The following MCCC2 variants were observed in gnomAD, a reference collection of about 807,000 sequenced individuals.
MCCC2 encodes methylcrotonyl-CoA carboxylase subunit 2, also known as methylcrotonoyl-CoA carboxylase beta chain, mitochondrial.
In MCCC2, 52 loss-of-function variants were observed where a neutral mutation model predicts 77.2. The observed-to-expected ratio is 0.67, with a 90% confidence interval of 0.54 to 0.85. The LOEUF (loss-of-function observed/expected upper bound fraction) is 0.85. MCCC2 is among the 40% of genes least tolerant of loss of function. MCCC2 has a pLI of 0.00. For synonymous variants in MCCC2, 253 were observed against 248.4 expected (o/e 1.02, Z -0.18); for missense variants, 682 against 703.2 (o/e 0.97, Z 0.34).
intron 8 of MCCC2, 68 bp from the exon 9 acceptor site, chr5:71,634,875 T>A: frequency 7.3e-7 from 1 of 1,378,248 alleles, no homozygotes; most frequent in Non-Finnish European, 1.0e-6. Flanking sequence ...AGAAGATACT[T>A]GGGACCTGAG....
intron 10 of MCCC2, among the ~76,000 whole-genome samples, 174 bp from the exon 11 acceptor site, chr5:71,640,829 G>A (rs1054672907): frequency 6.6e-6 from 1 of 152,176 alleles, no homozygotes; most frequent in Non-Finnish European, 1.5e-5. Flanking sequence ...AACCCAGAAT[G>A]ACTTCAGGGC....
chr5:71,642,146 C>T (rs1394483618), intron 11 of MCCC2, among the ~76,000 whole-genome samples: 2 of 151,718 alleles, frequency 1.3e-5, no homozygotes, highest in African/African-American at 4.8e-5. Flanking sequence ...AGTACACAAC[C>T]TGGTTTCTTC....
At chr5:71,647,508 ACT>A (rs1445385807) in intron 13 of MCCC2, among the ~76,000 whole-genome samples, 3 of 151,676 alleles carry the variant, frequency 2.0e-5, no homozygotes, top group African/African-American at 4.8e-5. Context: ...GGCAGTTAAA[ACT>A]CTGTGGTTTG....
At chr5:71,656,084 G>A (rs1443461491) in intron 16 of MCCC2, among the ~76,000 whole-genome samples, 10 of 152,116 alleles carry the variant, frequency 6.6e-5, no homozygotes, top group African/African-American at 2.2e-4. Context: ...GTGTGGTAGC[G>A]CACTCCTGTA....
At chr5:71,608,611 C>A (rs1745788848) in intron 6 of MCCC2, among the ~76,000 whole-genome samples, 1 of 152,000 alleles carries the variant, frequency 6.6e-6, no homozygotes, top group African/African-American at 2.4e-5. Flanking sequence ...GAATTTGATC[C>A]TGTCATTATG....
intron 5 of MCCC2, among the ~76,000 whole-genome samples, chr5:71,603,964 A>G (rs1340757031): frequency 6.6e-6 from 1 of 152,220 alleles, no homozygotes; most frequent in Non-Finnish European, 1.5e-5. Context: ...CTGCAATGAA[A>G]ACAGTATCAG....
At chr5:71,608,248 C>A (rs1268864413) in intron 6 of MCCC2, among the ~76,000 whole-genome samples, 56 of 118,290 alleles carry the variant, frequency 4.7e-4, no homozygotes, top group African/African-American at 1.7e-3. Flanking sequence ...TGCTTTATGA[C>A]TCTGGGTGCT....
At chr5:71,616,455 A>G (rs1746156703) in intron 6 of MCCC2, among the ~76,000 whole-genome samples, 1 of 152,238 alleles carries the variant, frequency 6.6e-6, no homozygotes, top group Admixed American at 6.5e-5. Flanking sequence ...ATTAGAGGAC[A>G]GCTGGTGTCT....
chr5:71,644,032 CAT>C lies in MCCC2; in HGVS notation c.1149+138_1149+139del, dbSNP rs376674402. The C allele has an allele frequency of 0.013, 7,003 of 537,776 alleles. 318 individuals carry two copies. The African/African-American group carries it at 0.13, about 10-fold the overall frequency. The allele number at this position is 537,776 out of a possible 1,614,324, so 33.3% of individuals were successfully genotyped here. On this transcript the variant is annotated intron_variant, in intron 12 of 16. Transcript: ENST00000340941. Reference sequence around the variant, plus strand: ...GCAACCAGAACACTGTGTGCGCGGGCATGTGTGTGTGTGTGTGTGTGTGTGTG... The same window carrying C: ...GCAACCAGAACACTGTGTGCGCGGGCGTGTGTGTGTGTGTGTGTGTGTGTG...
rs528884654 is a variant in MCCC2 at position 71,613,371 on chromosome 5, T to A, written c.624+8903T>A. Among the ~76,000 whole-genome samples the A allele has an allele frequency of 5.3e-5, 8 of 152,370 alleles. No individual in the cohort carries two copies. The South Asian group carries it at 1.7e-3, about 32-fold the overall frequency. On this transcript the variant is annotated intron_variant, in intron 6 of 16. Transcript: ENST00000340941. ...AAGTTTAAAGTGCTTTAAAATCAGA[T>A]CTTTTAAAAATCAAAAGTGTACTTA... is the stretch of plus-strand genomic sequence containing the variant.
intron 6 of MCCC2, among the ~76,000 whole-genome samples, chr5:71,609,155 CAG>C: frequency 6.6e-6 from 1 of 152,148 alleles, no homozygotes; most frequent in East Asian, 1.9e-4. Flanking sequence ...TAATATCCTG[CAG>C]AGTGTTTTCC....
chr5:71,598,892 C>A lies in MCCC2; in HGVS notation c.282-767C>A, dbSNP rs182876895. Among the ~76,000 whole-genome samples the A allele has an allele frequency of 9.8e-4, 149 of 152,228 alleles. 1 individual carries two copies. Among genetic ancestry groups the A allele is most frequent in the African/African-American group, 3.5e-3 (145 of 41,548 alleles). On this transcript the variant is annotated intron_variant, in intron 3 of 16. Coordinates refer to ENST00000340941, the MANE Select transcript of MCCC2 (RefSeq NM_022132.5). ...TCAGCCTCCCAAGTAGCTGGGACCA[C>A]AGGCATGTGCCATCATGCCCAGCTG... is the stretch of plus-strand genomic sequence containing the variant.
At chr5:71,650,895 C>T (rs377026052) in intron 15 of MCCC2, among the ~76,000 whole-genome samples, 30 of 152,296 alleles carry the variant, frequency 2.0e-4, no homozygotes, top group Admixed American at 5.2e-4. Flanking sequence ...GTGATCCACT[C>T]GCCTTGGCCT....
chr5:71,633,129 A>ATTTTTTT (rs1215619050), intron 8 of MCCC2, among the ~76,000 whole-genome samples: 26 of 81,962 alleles, frequency 3.2e-4, no homozygotes, highest in Middle Eastern at 6.9e-3. Flanking sequence ...ATATATATAT[A>ATTTTTTT]TATTTTTATT....
chr5:71,635,538 G>A (rs1746886519), intron 10 of MCCC2: 1 of 422,012 alleles, frequency 2.4e-6, no homozygotes, highest in Admixed American at 3.6e-5. Flanking sequence ...CATTATGAAT[G>A]ATGTAAGGCA....
At chr5:71,606,924 G>A (rs1745701577) in intron 6 of MCCC2, among the ~76,000 whole-genome samples, 1 of 151,298 alleles carries the variant, frequency 6.6e-6, no homozygotes, top group East Asian at 1.9e-4. Context: ...CAGGGATGAA[G>A]CCCACTTGAT....
intron 15 of MCCC2, 142 bp downstream of exon 15, chr5:71,650,325 C>A: frequency 1.5e-6 from 1 of 684,028 alleles, no homozygotes. Context: ...TTAGACTGTG[C>A]TGCCCTGGAA....
At chr5:71,608,346 CTT>C (rs1745775579) in intron 6 of MCCC2, among the ~76,000 whole-genome samples, 1 of 115,194 alleles carries the variant, frequency 8.7e-6, no homozygotes, top group Non-Finnish European at 1.8e-5. Flanking sequence ...TTCTTTGTCT[CTT>C]TTGATCTTTG....
At chr5:71,626,566 G>A in intron 6 of MCCC2, 74 bp from the exon 7 acceptor site, 1 of 1,172,106 alleles carries the variant, frequency 8.5e-7, no homozygotes, top group Middle Eastern at 1.9e-4. Context: ...GTGTTTGTGG[G>A]ATTCTGGATC....
Sources: allele counts gnomAD v4.1 joint callset (sites outside exome capture counted in the v4.1 genomes callset), GRCh38; gene constraint gnomAD v4.1.1; transcripts MANE v1.5; gene names NCBI Gene and HGNC (gene_info 2026-07-23, HGNC 2026-07-21).